NMRK1: variants seen among roughly 807,000 people sequenced by gnomAD.
NMRK1 encodes the protein nicotinamide riboside kinase 1, also known as NRK 1.
A neutral mutation model predicts 29.9 loss-of-function variants in NMRK1; 28 were observed. That is an observed-to-expected ratio of 0.94 (90% CI 0.69 to 1.28). The LOEUF (loss-of-function observed/expected upper bound fraction) is 1.28, where lower values mean the gene tolerates loss of function less well. Among genes scored for constraint, NMRK1 ranks in the 50% most tolerant of loss-of-function variants. The pLI, the probability that NMRK1 is intolerant of heterozygous loss-of-function variation, is 0.00. For missense variants in NMRK1, 218 were observed against 233.1 expected, an observed-to-expected ratio of 0.94 and a Z score of 0.42; for synonymous variants, 58 against 73.0, an observed-to-expected ratio of 0.79 and a Z score of 1.05.
At chr9:75,077,386 C>T (rs768543761) in intron 3 of NMRK1, 104 bp downstream of exon 3, 15 of 973,862 alleles carry the variant, frequency 1.5e-5, no homozygotes, top group South Asian at 4.3e-5. Flanking sequence ...AATTTCAATA[C>T]AAAACGTAAA....
At chr9:75,064,574 A>C (rs1469337228) in intron 8 of NMRK1, among the ~76,000 whole-genome samples, 2 of 152,236 alleles carry the variant, frequency 1.3e-5, no homozygotes, top group Non-Finnish European at 2.9e-5. Context: ...ACTTGCAAGA[A>C]GAAAATTTAA....
chr9:75,070,893 CATA>C (rs1823658764), intron 4 of NMRK1, among the ~76,000 whole-genome samples: 2 of 152,032 alleles, frequency 1.3e-5, no homozygotes, highest in African/African-American at 2.4e-5. Flanking sequence ...CAAGAGTGTT[CATA>C]ATATCCTTTT....
At chr9:75,078,350 T>C in intron 2 of NMRK1, 1 of 1,573,194 alleles carries the variant, frequency 6.4e-7, no homozygotes, top group South Asian at 1.2e-5. Context: ...TCCTCTGCGA[T>C]GCCTCCTTTT....
intron 8 of NMRK1, among the ~76,000 whole-genome samples, chr9:75,063,326 A>G (rs529913616): frequency 6.6e-6 from 1 of 150,884 alleles, no homozygotes; most frequent in African/African-American, 2.4e-5. Context: ...AAAAAGAAAG[A>G]AAAAAAGACT....
chr9:75,077,087 T>C (rs778500139), intron 4 of NMRK1, 72 bp downstream of exon 4: 4 of 905,308 alleles, frequency 4.4e-6, no homozygotes, highest in Non-Finnish European at 7.1e-6. Context: ...AACTTCAACA[T>C]AGTGAAGTTC....
chr9:75,082,755 C>T (rs1048560295), intron 2 of NMRK1: 5 of 303,928 alleles, frequency 1.6e-5, no homozygotes, highest in Middle Eastern at 9.4e-4. Context: ...TCTCCTCCAT[C>T]GTGATGAAGG....
chr9:75,063,306 A>T (rs1171476607), intron 8 of NMRK1, among the ~76,000 whole-genome samples: 5 of 7,456 alleles, frequency 6.7e-4, no homozygotes, highest in Non-Finnish European at 1.1e-3. Flanking sequence ...ACTCCATCTC[A>T]AAAAAAAAAA....
intron 1 of NMRK1, among the ~76,000 whole-genome samples, chr9:75,083,860 T>G (rs1295430119): frequency 6.6e-6 from 1 of 152,220 alleles, no homozygotes; most frequent in East Asian, 1.9e-4. Context: ...TTCACAATTT[T>G]TTTTGATGAA....
In NMRK1 at chr9:75,077,496, G is replaced by T. The variant is rs549687323; in HGVS notation, c.114C>A (p.Phe38Leu). The T allele has an allele frequency of 6.2e-7, 1 of 1,600,510 alleles. No homozygotes were observed. The highest frequency in any genetic ancestry group is 8.6e-7 in the Non-Finnish European group (1 of 1,168,222). The change falls in exon 3 of 9, where the codon TTC (phenylalanine) becomes TTA (leucine). Residue 38 changes from phenylalanine (F) to leucine (L), a missense_variant. Coordinates refer to ENST00000361092, the MANE Select transcript of NMRK1 (RefSeq NM_017881.3). ...TAAGAAGTTTTATAGATACCTTGAA[G>T]AAATCATCCTGAGATATGACACTGC... ...PNCSVISQDD[F>L]FKPESEIETD...
At chr9:75,082,398 C>T (rs954417825) in intron 2 of NMRK1, among the ~76,000 whole-genome samples, 2 of 152,124 alleles carry the variant, frequency 1.3e-5, no homozygotes, top group Non-Finnish European at 2.9e-5. Flanking sequence ...ACAATGATTT[C>T]CCCAAAATTA....
intron 4 of NMRK1, among the ~76,000 whole-genome samples, chr9:75,070,733 T>C (rs1823649728): frequency 6.6e-6 from 1 of 152,208 alleles, no homozygotes; most frequent in Non-Finnish European, 1.5e-5. Flanking sequence ...AGAGTGTTTT[T>C]TAGTGGAAGG....
In NMRK1 at chr9:75,061,378, A is replaced by G. The variant is rs1305769458; in HGVS notation, c.*170T>C. ...CTAAGGTACAGTCCTGTCCATTGGC[A>G]TGGATATTTATTGTTCCACATGTTG... On this transcript the variant is annotated 3_prime_UTR_variant, in exon 9 of 9. Transcript: ENST00000361092. The G allele has an allele frequency of 2.2e-5, 14 of 623,288 alleles. 1 individual carries two copies. Among genetic ancestry groups the G allele is most frequent in the Non-Finnish European group, 3.7e-5 (13 of 353,008 alleles). 38.6% of individuals were successfully genotyped at this position (623,288 alleles called of 1,614,324 possible).
At chr9:75,062,743 T>C (rs1446405586) in intron 8 of NMRK1, among the ~76,000 whole-genome samples, 1 of 152,150 alleles carries the variant, frequency 6.6e-6, no homozygotes, top group Non-Finnish European at 1.5e-5. Context: ...TATTAAACAT[T>C]TAAAAAGGCT....
At chr9:75,064,407 G>A (rs1437131703) in intron 8 of NMRK1, among the ~76,000 whole-genome samples, 1 of 152,154 alleles carries the variant, frequency 6.6e-6, no homozygotes, top group Admixed American at 6.5e-5. Flanking sequence ...TCTGGCTCAT[G>A]TGCTATCATT....
At chr9:75,075,358 A>C (rs1823928348) in intron 4 of NMRK1, among the ~76,000 whole-genome samples, 1 of 152,218 alleles carries the variant, frequency 6.6e-6, no homozygotes, top group South Asian at 2.1e-4. Flanking sequence ...GAGAAGAAAA[A>C]AAAAATGATC....
In NMRK1 at chr9:75,067,453, T is replaced by A. The variant is rs150959584; in HGVS notation, c.497-613A>T. 1.2e-3 allele frequency among the ~76,000 whole-genome samples: 178 copies of A among 152,274 alleles called. 1 individual carries two copies. The highest frequency in any genetic ancestry group is 1.9e-3 in the Non-Finnish European group (130 of 68,018). ...TCTAGGTTAAAGGAAGGAAAGGGCC[T>A]TCTGGTCAGAAAACAGCATGAGTAG... On this transcript the variant is annotated intron_variant, in intron 7 of 8. Transcript: ENST00000361092.
intron 4 of NMRK1, among the ~76,000 whole-genome samples, chr9:75,075,901 C>T (rs1364911272): frequency 6.6e-6 from 1 of 152,182 alleles, no homozygotes; most frequent in Non-Finnish European, 1.5e-5. Context: ...GGCAGAGGGA[C>T]AGCAAGCCTA....
intron 1 of NMRK1, among the ~76,000 whole-genome samples, chr9:75,086,619 G>A (rs1415562524): frequency 1.3e-5 from 2 of 152,148 alleles, no homozygotes; most frequent in Non-Finnish European, 2.9e-5. Flanking sequence ...ATTCTAAACT[G>A]CAGAATGGTC....
At chr9:75,065,558 A>G (rs964220588) in intron 8 of NMRK1, among the ~76,000 whole-genome samples, 3 of 152,084 alleles carry the variant, frequency 2.0e-5, no homozygotes, top group Non-Finnish European at 4.4e-5. Context: ...GCCCCAAGCA[A>G]TCCTCCCAAT....
Sources: gnomAD v4.1 joint callset for allele counts (sites outside exome capture counted in the v4.1 genomes callset) on GRCh38, gnomAD v4.1.1 for gene constraint, MANE v1.5 for transcripts, NCBI Gene and HGNC (gene_info 2026-07-23, HGNC 2026-07-21) for gene names.